Variants in TNNI3K observed in about 807,000 individuals in gnomAD.
TNNI3K encodes the protein TNNI3 interacting kinase.
TNNI3K carries 140 observed loss-of-function variants against 114.5 expected under a neutral mutation model. The ratio of observed to expected loss-of-function variants is 1.22; its 90% CI spans 1.07 to 1.41. The LOEUF is 1.41. TNNI3K is among the 40% of genes most tolerant of loss of function. The pLI is 0.00. For missense variants in TNNI3K, 1,125 were observed against 1,007.6 expected, an observed-to-expected ratio of 1.12 and a Z score of -1.58; for synonymous variants, 347 against 347.5, an observed-to-expected ratio of 1.00 and a Z score of 0.02.
At chr1:74,284,420 C>T (rs1482634639) in intron 5 of TNNI3K, among the ~76,000 whole-genome samples, 4 of 152,136 alleles carry the variant, frequency 2.6e-5, no homozygotes, top group Non-Finnish European at 2.9e-5. Context: ...AGGCACTTGG[C>T]CCATCTGCTA....
intron 3 of TNNI3K, 25 bp downstream of exon 3, chr1:74,249,569 C>A (rs766204063): frequency 6.2e-7 from 1 of 1,607,090 alleles, no homozygotes; most frequent in Non-Finnish European, 8.5e-7. Context: ...CTTAGTACTT[C>A]TTAAACTGGT....
At chr1:74,526,121 T>C (rs1374552187) in intron 23 of TNNI3K, among the ~76,000 whole-genome samples, 1 of 152,238 alleles carries the variant, frequency 6.6e-6, no homozygotes, top group Non-Finnish European at 1.5e-5. Flanking sequence ...TGAAGATCAA[T>C]GTTCTGCATG....
At chr1:74,462,770 A>T (rs1308935082) in intron 20 of TNNI3K, among the ~76,000 whole-genome samples, 1 of 152,190 alleles carries the variant, frequency 6.6e-6, no homozygotes, top group African/African-American at 2.4e-5. Flanking sequence ...AAGTTCTAAG[A>T]ATCACAAAAC....
intron 17 of TNNI3K, among the ~76,000 whole-genome samples, chr1:74,388,287 AAT>A (rs1663592359): frequency 6.7e-6 from 1 of 150,148 alleles, no homozygotes; most frequent in African/African-American, 2.4e-5. Flanking sequence ...CAAAAAAAAT[AAT>A]AATAATTTTT....
chr1:74,473,918 T>C (rs1413193524), intron 21 of TNNI3K, among the ~76,000 whole-genome samples: 1 of 152,116 alleles, frequency 6.6e-6, no homozygotes, highest in Non-Finnish European at 1.5e-5. Context: ...TAATTCTTTT[T>C]CCAAGTCAGA....
At chr1:74,291,718 A>T (rs1657688093) in intron 5 of TNNI3K, among the ~76,000 whole-genome samples, 1 of 151,476 alleles carries the variant, frequency 6.6e-6, no homozygotes, top group African/African-American at 2.4e-5. Flanking sequence ...TTCATATATT[A>T]AGAATCCCCC....
chr1:74,504,764 G>A (rs1485839941), intron 23 of TNNI3K, among the ~76,000 whole-genome samples: 3 of 152,056 alleles, frequency 2.0e-5, no homozygotes, highest in Non-Finnish European at 4.4e-5. Flanking sequence ...AGCTCTCACC[G>A]TGGCTATTCT....
At chr1:74,398,002 T>A (rs552536760) in intron 17 of TNNI3K, among the ~76,000 whole-genome samples, 49 of 152,176 alleles carry the variant, frequency 3.2e-4, no homozygotes, top group African/African-American at 1.1e-3. Context: ...GGGGAAAAAA[T>A]TAATACATGG....
chr1:74,391,954 A>ATTTT (rs1557539031), intron 17 of TNNI3K, among the ~76,000 whole-genome samples: 9 of 93,256 alleles, frequency 9.7e-5, no homozygotes, highest in African/African-American at 5.1e-4. Flanking sequence ...GGTACAGCTT[A>ATTTT]TTATTTTTTT....
At chr1:74,355,088 G>T (rs186003752) in intron 11 of TNNI3K, among the ~76,000 whole-genome samples, 18 of 152,178 alleles carry the variant, frequency 1.2e-4, no homozygotes, top group African/African-American at 4.1e-4. Context: ...GAAATTATAG[G>T]TTATAATTGA....
At chr1:74,369,632 T>C in intron 16 of TNNI3K, 47 bp downstream of exon 16, 1 of 1,518,068 alleles carries the variant, frequency 6.6e-7, no homozygotes, top group South Asian at 1.4e-5. Context: ...CCGTAGAAAC[T>C]ACTCTTGCAA....
chr1:74,449,914 A>T (rs1666909639), intron 20 of TNNI3K, among the ~76,000 whole-genome samples: 1 of 114,286 alleles, frequency 8.7e-6, no homozygotes, highest in Admixed American at 9.8e-5. Flanking sequence ...CCTAATAGAC[A>T]TCTACAGAAC....
At chr1:74,405,523 G>C (rs1285849667) in intron 17 of TNNI3K, among the ~76,000 whole-genome samples, 1 of 152,158 alleles carries the variant, frequency 6.6e-6, no homozygotes, top group South Asian at 2.1e-4. Flanking sequence ...AAACTGATAT[G>C]CGGAGAACTA....
intron 23 of TNNI3K, among the ~76,000 whole-genome samples, chr1:74,538,360 G>A (rs940308308): frequency 2.6e-5 from 4 of 151,926 alleles, no homozygotes; most frequent in Non-Finnish European, 4.4e-5. Flanking sequence ...TGAATGACTG[G>A]GGGGTAGAAT....
chr1:74,280,128 A>G (rs1656916121), intron 5 of TNNI3K, among the ~76,000 whole-genome samples: 1 of 152,178 alleles, frequency 6.6e-6, no homozygotes, highest in Admixed American at 6.5e-5. Flanking sequence ...CACGCCTGTA[A>G]TCCCACCACT....
rs1020494869 is a variant in TNNI3K, at chr1:74,369,437, T to G, written c.1519T>G (p.Cys507Gly). The G allele has an allele frequency of 2.4e-5, 38 of 1,612,132 alleles. No individual in the cohort carries two copies. Among genetic ancestry groups the G allele is most frequent in the Non-Finnish European group, 3.2e-5 (38 of 1,179,082 alleles). Residue 507 changes from cysteine to glycine, a missense_variant, in exon 16 of 25, where the codon TGC (cysteine) becomes GGC (glycine). Cys to Gly is a radical substitution (Grantham distance 159). Coordinates refer to ENST00000326637, the MANE Select transcript of TNNI3K (RefSeq NM_015978.3). Reference sequence around the variant, plus strand: ...CTCCAAGTCAGATGTGGATATGTTTTGCCGAGAGGTGTCCATTCTCTGCCA... The same window carrying G: ...CTCCAAGTCAGATGTGGATATGTTTGGCCGAGAGGTGTCCATTCTCTGCCA... Reference protein sequence around the residue: ...YCSKSDVDMFCREVSILCQLN... With the variant: ...YCSKSDVDMFGREVSILCQLN...
chr1:74,480,879 C>T (rs2100256854), intron 21 of TNNI3K: 1 of 717,320 alleles, frequency 1.4e-6, no homozygotes, highest in Admixed American at 2.0e-5. Context: ...GAGAGCAGGG[C>T]AAGATTAAAC....
chr1:74,451,682 CT>C (rs1222881369), intron 20 of TNNI3K, among the ~76,000 whole-genome samples: 53 of 21,954 alleles, frequency 2.4e-3, no homozygotes, highest in African/African-American at 8.8e-3. Flanking sequence ...CTTTTCTTTT[CT>C]TTTCTTTCTT....
intron 5 of TNNI3K, among the ~76,000 whole-genome samples, chr1:74,293,836 G>A (rs1463163082): frequency 6.6e-6 from 1 of 151,648 alleles, no homozygotes; most frequent in Non-Finnish European, 1.5e-5. Flanking sequence ...AGTATGTATA[G>A]ACATTTTTAT....
Sources: gnomAD v4.1 joint callset for allele counts (sites outside exome capture counted in the v4.1 genomes callset) on GRCh38, gnomAD v4.1.1 for gene constraint, MANE v1.5 for transcripts, NCBI Gene and HGNC (gene_info 2026-07-23, HGNC 2026-07-21) for gene names.